CEBPG: variants seen among roughly 807,000 people sequenced by gnomAD.
CEBPG encodes CCAAT enhancer binding protein gamma, also known as CCAAT/enhancer-binding protein gamma.
A neutral mutation model predicts 11.1 loss-of-function variants in CEBPG; 6 were observed. The ratio of observed to expected loss-of-function variants is 0.54; its 90% confidence interval spans 0.30 to 1.07. The LOEUF (loss-of-function observed/expected upper bound fraction) is 1.07, where lower values mean the gene tolerates loss of function less well. Among genes scored for constraint, CEBPG ranks in the 50% least tolerant of loss-of-function variants. The pLI is 0.07. For synonymous variants in CEBPG, 66 were observed against 71.0 expected, an observed-to-expected ratio of 0.93 and a Z score of 0.36; for missense variants, 161 against 187.4, an observed-to-expected ratio of 0.86 and a Z score of 0.82.
rs14093 is a variant in CEBPG at position 33,382,293 on chromosome 19, C to T, written c.*2601C>T. The T allele has an allele frequency of 0.019, 3,207 of 167,194 alleles. 44 individuals carry two copies. Among genetic ancestry groups the T allele is most frequent in the Non-Finnish European group, 0.025 (1,669 of 68,118 alleles). 10.4% of individuals were successfully genotyped at this position (167,194 alleles called of 1,614,324 possible). A position where few individuals can be genotyped will look rare whatever the true frequency, so the allele number is the denominator to read the frequency against. Reference sequence around the variant, plus strand: ...TAAGTAGTAAGATTTTAATCAAACACGACCAGGTCCGAAATGCAGGTCATG... The same window carrying T: ...TAAGTAGTAAGATTTTAATCAAACATGACCAGGTCCGAAATGCAGGTCATG... On this transcript the variant is annotated 3_prime_UTR_variant, in exon 2 of 2. Transcript: ENST00000284000.
intron 1 of CEBPG, among the ~76,000 whole-genome samples, chr19:33,378,165 G>T (rs547572761): frequency 2.4e-4 from 36 of 152,216 alleles, no homozygotes; most frequent in Non-Finnish European, 3.8e-4. Context: ...CAGCTGTAGG[G>T]ACTTAATTGG....
intron 1 of CEBPG, among the ~76,000 whole-genome samples, chr19:33,376,564 TAA>T (rs1002932314): frequency 2.3e-4 from 35 of 152,346 alleles, no homozygotes; most frequent in African/African-American, 7.2e-4. Context: ...GTTACATTTC[TAA>T]AGAGTTCCTG....
At position 33,379,745 on chromosome 19, in the gene CEBPG, C is replaced by G; in HGVS notation, c.*53C>G. 6.9e-7 allele frequency: 1 copy of G among 1,455,146 alleles called. No homozygotes were observed. The highest frequency in any genetic ancestry group is 1.3e-5 in the South Asian group (1 of 74,174). The allele number at this position is 1,455,146 out of a possible 1,614,324, so 90.1% of individuals were successfully genotyped here. A position where few individuals can be genotyped will look rare whatever the true frequency, so the allele number is the denominator to read the frequency against. ...TGTGGCTTGAATGTTAAAGGTGTGA[C>G]CACCGACACCACTCATGTCAATGGC... On this transcript the variant is annotated 3_prime_UTR_variant, in exon 2 of 2. Coordinates refer to ENST00000284000, the MANE Select transcript of CEBPG (RefSeq NM_001806.4).
chr19:33,380,710 T>C lies in CEBPG; in HGVS notation c.*1018T>C, dbSNP rs1231189206. ...ATTTTGGTATTTGATCTTAACCAAG[T>C]GATTATTAGAGAAATGTATCAACTC... On this transcript the variant is annotated 3_prime_UTR_variant, in exon 2 of 2. Transcript: ENST00000284000. 1.2e-5 allele frequency: 2 copies of C among 166,892 alleles called. No homozygotes were observed. The highest frequency in any genetic ancestry group is 3.8e-4 in the East Asian group (2 of 5,208). 10.3% of individuals were successfully genotyped at this position (166,892 alleles called of 1,614,324 possible).
In CEBPG at chr19:33,382,594, C is replaced by T. The variant is rs932327542; in HGVS notation, c.*2902C>T. 4.2e-5 allele frequency: 7 copies of T among 167,028 alleles called. No homozygotes were observed. The Admixed American group carries it at 4.6e-4, about 11-fold the overall frequency. 10.3% of individuals were successfully genotyped at this position (167,028 alleles called of 1,614,324 possible). A position where few individuals can be genotyped will look rare whatever the true frequency, so the allele number is the denominator to read the frequency against. ...ACTAACTTGTTCTTTTTGTTCCTGG[C>T]TTTCATCAGTTTGTGAGATTTCTCT... On this transcript the variant is annotated 3_prime_UTR_variant, in exon 2 of 2. Coordinates refer to ENST00000284000, the MANE Select transcript of CEBPG (RefSeq NM_001806.4).
chr19:33,376,053 T>G (rs762222058), intron 1 of CEBPG, among the ~76,000 whole-genome samples: 13 of 145,776 alleles, frequency 8.9e-5, no homozygotes, highest in Non-Finnish European at 1.6e-4. Flanking sequence ...GAAGAGTAGA[T>G]GGGAAGTTTT....
rs1441475054 is a variant in CEBPG at position 33,380,679 on chromosome 19, A to G, written c.*987A>G. Reference sequence around the variant, plus strand: ...TTTTAAAGTCAAAATTTTCTTCTGAAGGCTCATTTTGGTATTTGATCTTAA... The same window carrying G: ...TTTTAAAGTCAAAATTTTCTTCTGAGGGCTCATTTTGGTATTTGATCTTAA... On this transcript the variant is annotated 3_prime_UTR_variant, in exon 2 of 2. Transcript: ENST00000284000. The G allele has an allele frequency of 6.0e-6, 1 of 166,980 alleles. No homozygotes were observed. The highest frequency in any genetic ancestry group is 2.4e-5 in the African/African-American group (1 of 41,474). The allele number at this position is 166,980 out of a possible 1,614,324, so 10.3% of individuals were successfully genotyped here.
chr19:33,375,727 G>A (rs537426830), intron 1 of CEBPG, among the ~76,000 whole-genome samples: 2 of 152,198 alleles, frequency 1.3e-5, no homozygotes, highest in South Asian at 4.1e-4. Context: ...GACACGATGC[G>A]GCTGGAGTTG....
chr19:33,374,456 A>T (rs987990794), intron 1 of CEBPG: 1 of 152,210 alleles, frequency 6.6e-6, no homozygotes, highest in Non-Finnish European at 1.5e-5. Context: ...TTGCAGAGAT[A>T]ATATTTTGCT....
In CEBPG at chr19:33,379,613, A is replaced by C; in HGVS notation, c.374A>C (p.His125Pro). 1 of 1,614,190 alleles carries C rather than the reference A, an allele frequency of 6.2e-7. No homozygotes were observed. The highest frequency in any genetic ancestry group is 8.5e-7 in the Non-Finnish European group (1 of 1,180,040). The change falls in exon 2 of 2, where the codon CAT becomes CCT. Residue 125 changes from histidine (H) to proline (P), a missense_variant. By Grantham distance (77) the His-to-Pro change is moderately conservative (BLOSUM62 -2). Transcript: ENST00000284000. ...GTACTCAAAGATTTGTTTCTTGAGCATGCACACAACCTTGCAGACAACGTA... is the reference window on the plus strand; with the variant it reads ...GTACTCAAAGATTTGTTTCTTGAGCCTGCACACAACCTTGCAGACAACGTA... Reference protein sequence around the residue: ...LSVLKDLFLEHAHNLADNVQS... With the variant: ...LSVLKDLFLEPAHNLADNVQS...
At position 33,379,333 on chromosome 19, in the gene CEBPG, C is replaced by G; in HGVS notation, c.94C>G (p.Pro32Ala). The change falls in exon 2 of 2, where the codon CCT (proline) becomes GCT (alanine). Residue 32 changes from proline (P) to alanine (A), a missense_variant. Pro to Ala is a conservative substitution (Grantham distance 27). Transcript: ENST00000284000. ...QAHASGLQQV[P>A]QLVPAGPGGG... The stretch of plus-strand genomic sequence containing the variant: ...ACATGCCAGCGGCTTACAGCAGGTT[C>G]CTCAGCTGGTGCCTGCTGGCCCTGG... The G allele has an allele frequency of 6.2e-7, 1 of 1,613,852 alleles. No individual in the cohort carries two copies. Among genetic ancestry groups the G allele is most frequent in the African/African-American group, 1.3e-5 (1 of 74,994 alleles).
At chr19:33,379,102 C>T (rs1165895905) in intron 1 of CEBPG, 42 bp from the exon 2 acceptor site, 1 of 719,284 alleles carries the variant, frequency 1.4e-6, no homozygotes, top group Non-Finnish European at 2.2e-6. Context: ...TCATTTGATC[C>T]TGTCATTTCA....
chr19:33,378,131 G>A (rs554164768), intron 1 of CEBPG, among the ~76,000 whole-genome samples: 2 of 152,370 alleles, frequency 1.3e-5, no homozygotes, highest in African/African-American at 4.8e-5. Flanking sequence ...TGATAGGATA[G>A]TCACACTTTT....
At position 33,379,414 on chromosome 19, in the gene CEBPG, G is replaced by A. The variant is rs764152171; in HGVS notation, c.175G>A (p.Asp59Asn). The change falls in exon 2 of 2, where the codon GAT becomes AAT. Residue 59 changes from aspartate (D) to asparagine (N), a missense_variant. Coordinates refer to ENST00000284000, the MANE Select transcript of CEBPG (RefSeq NM_001806.4). Reference protein sequence around the residue: ...SKQSKKSSPMDRNSDEYRQRR... With the variant: ...SKQSKKSSPMNRNSDEYRQRR... The stretch of plus-strand genomic sequence containing the variant: ...GCAGAGCAAAAAGAGTTCGCCCATG[G>A]ATCGAAACAGTGACGAGTATCGGCA... The A allele has an allele frequency of 4.3e-5, 69 of 1,613,972 alleles. No homozygotes were observed. The highest frequency in any genetic ancestry group is 5.3e-5 in the Non-Finnish European group (62 of 1,180,040).
chr19:33,380,043 C>T lies in CEBPG; in HGVS notation c.*351C>T, dbSNP rs367563273. ...AAAGGAATGGGGAACTGGCAGGCCG[C>T]GCAGAAGGTTCTTGGTTTTAATGGA... On this transcript the variant is annotated 3_prime_UTR_variant, in exon 2 of 2. Coordinates refer to ENST00000284000, the MANE Select transcript of CEBPG (RefSeq NM_001806.4). 14 of 197,224 alleles carry T rather than the reference C, an allele frequency of 7.1e-5. No individual in the cohort carries two copies. Among genetic ancestry groups the T allele is most frequent in the East Asian group, 1.3e-4 (1 of 7,668 alleles). 12.2% of individuals were successfully genotyped at this position (197,224 alleles called of 1,614,324 possible).
Position 33,379,299 on chromosome 19 carries a change from T to C in CEBPG, c.60T>C (p.His20=), listed in dbSNP as rs183241596. ...GGGTGAACGGAATTAGTGTTATCCA[T>C]ACCCAGGCACATGCCAGCGGCTTAC... ...TPGVNGISVI[H]TQAHASGLQQ... is the part of the protein sequence containing the mutation. Residue 20 remains histidine, a synonymous_variant, in exon 2 of 2, where the codon CAT becomes CAC. Transcript: ENST00000284000. 205 of 1,606,372 alleles carry C rather than the reference T, an allele frequency of 1.3e-4. No individual in the cohort carries two copies. Among genetic ancestry groups the C allele is most frequent in the Non-Finnish European group, 1.7e-4 (202 of 1,176,248 alleles).
At chr19:33,374,895 A>C (rs911976089) in intron 1 of CEBPG, among the ~76,000 whole-genome samples, 3 of 152,202 alleles carry the variant, frequency 2.0e-5, no homozygotes, top group Non-Finnish European at 2.9e-5. Flanking sequence ...TCCCAGAGAA[A>C]ATTTTAAAAG....
chr19:33,377,939 T>C lies in CEBPG; in HGVS notation c.-96-1205T>C, dbSNP rs370173258. ...GTTTGCTAACTGAGCTTTCCCTCAT[T>C]GTGGGATCACTGCATAAATCTGACT... On this transcript the variant is annotated intron_variant, in intron 1 of 1. Coordinates refer to ENST00000284000, the MANE Select transcript of CEBPG (RefSeq NM_001806.4). Among the ~76,000 whole-genome samples, 10 of 152,342 alleles carry C rather than the reference T, an allele frequency of 6.6e-5. No individual in the cohort carries two copies. In the East Asian group the frequency reaches 1.7e-3, roughly 26 times the overall value.
chr19:33,374,007 C>T (rs866208269), intron 1 of CEBPG, 112 bp downstream of exon 1: 8 of 150,442 alleles, frequency 5.3e-5, no homozygotes, highest in African/African-American at 1.5e-4. Flanking sequence ...CGGCCCCAGA[C>T]GGCCCGCTGG....
Sources: gnomAD v4.1 joint callset for allele counts (sites outside exome capture counted in the v4.1 genomes callset) on GRCh38, gnomAD v4.1.1 for gene constraint, MANE v1.5 for transcripts, NCBI Gene and HGNC (gene_info 2026-07-23, HGNC 2026-07-21) for gene names.